Variants in GOLM2 observed in about 807,000 individuals in gnomAD.
The protein encoded by GOLM2 is protein GOLM2.
Under a neutral mutation model 55.9 loss-of-function variants are expected in GOLM2, and 26 were observed. The ratio of observed to expected loss-of-function variants is 0.47; its 90% confidence interval spans 0.34 to 0.65. The LOEUF is 0.65. GOLM2 is among the 30% of genes least tolerant of loss of function. The pLI, the probability that GOLM2 is intolerant of heterozygous loss-of-function variation, is 0.01. For missense variants in GOLM2, 486 were observed against 531.8 expected (o/e 0.91, Z 0.85); for synonymous variants, 165 against 194.6 (o/e 0.85, Z 1.27).
chr15:44,338,000 T>G, intron 5 of GOLM2, 93 bp downstream of exon 5: 1 of 1,274,404 alleles, frequency 7.8e-7, no homozygotes. Flanking sequence ...TAAAGAAAAT[T>G]GTTTGATTTT....
At chr15:44,310,489 T>TATATAC (rs1555421398) in intron 1 of GOLM2, among the ~76,000 whole-genome samples, 1 of 131,978 alleles carries the variant, frequency 7.6e-6, no homozygotes, top group African/African-American at 3.4e-5. Flanking sequence ...TATATATATA[T>TATATAC]ACACACACAC....
chr15:44,399,555 T>A (rs1031155087), intron 8 of GOLM2, among the ~76,000 whole-genome samples: 19 of 152,178 alleles, frequency 1.2e-4, no homozygotes, highest in Non-Finnish European at 2.4e-4. Flanking sequence ...AAAAAGGAAA[T>A]TTTAAATTGT....
intron 5 of GOLM2, 137 bp downstream of exon 5, chr15:44,338,044 A>G (rs1445162700): frequency 2.9e-6 from 3 of 1,025,138 alleles, no homozygotes; most frequent in Non-Finnish European, 2.8e-6. Flanking sequence ...GCATTGTTTC[A>G]AATTTGGATT....
At chr15:44,314,817 A>G (rs949223409) in intron 1 of GOLM2, among the ~76,000 whole-genome samples, 3 of 152,192 alleles carry the variant, frequency 2.0e-5, no homozygotes, top group Non-Finnish European at 4.4e-5. Context: ...CTGTAGGTAT[A>G]TGACTGAGGA....
intron 8 of GOLM2, among the ~76,000 whole-genome samples, chr15:44,394,006 T>G (rs138198593): frequency 7.0e-4 from 106 of 152,286 alleles, no homozygotes; most frequent in Non-Finnish European, 1.3e-3. Context: ...TGTGCTATTT[T>G]ATACAAGGGA....
intron 1 of GOLM2, among the ~76,000 whole-genome samples, chr15:44,317,237 C>T (rs1352929944): frequency 2.7e-5 from 4 of 148,090 alleles, no homozygotes; most frequent in South Asian, 2.2e-4. Context: ...ATTATCTGGG[C>T]GTGGTAGCAC....
At chr15:44,405,820 C>T (rs2079593610) in intron 9 of GOLM2, among the ~76,000 whole-genome samples, 1 of 152,040 alleles carries the variant, frequency 6.6e-6, no homozygotes, top group Non-Finnish European at 1.5e-5. Context: ...GGGGGTTTCA[C>T]CATGTTGGTC....
chr15:44,316,343 A>G (rs374320703), intron 1 of GOLM2, among the ~76,000 whole-genome samples: 5 of 152,246 alleles, frequency 3.3e-5, no homozygotes, highest in African/African-American at 1.2e-4. Context: ...AAAAAATGAA[A>G]AAACAGTGAA....
At chr15:44,379,614 G>A (rs923743677) in intron 6 of GOLM2, 76 bp from the exon 7 acceptor site, 10 of 744,676 alleles carry the variant, frequency 1.3e-5, no homozygotes, top group Middle Eastern at 4.0e-4. Context: ...ATTGATTCAC[G>A]GTGGTTTTTT....
chr15:44,371,305 A>G (rs2079328373), intron 6 of GOLM2, among the ~76,000 whole-genome samples: 1 of 152,112 alleles, frequency 6.6e-6, no homozygotes, highest in South Asian at 2.1e-4. Flanking sequence ...TCCTGCCTTT[A>G]TAATTGTTTA....
chr15:44,329,279 C>T (rs1052331704), intron 3 of GOLM2, among the ~76,000 whole-genome samples: 1 of 151,944 alleles, frequency 6.6e-6, no homozygotes, highest in African/African-American at 2.4e-5. Context: ...AGCAATCACG[C>T]CTTAAAACTT....
intron 1 of GOLM2, among the ~76,000 whole-genome samples, chr15:44,292,516 G>GT (rs1389349160): frequency 3.9e-5 from 6 of 152,044 alleles, no homozygotes; most frequent in Non-Finnish European, 7.4e-5. Context: ...ATTTTTAAAA[G>GT]TTTTTTCTTT....
intron 8 of GOLM2, among the ~76,000 whole-genome samples, chr15:44,394,219 A>C (rs1319467431): frequency 6.6e-6 from 1 of 152,228 alleles, no homozygotes; most frequent in Non-Finnish European, 1.5e-5. Flanking sequence ...GTTATCTCTC[A>C]GAATCCAGCC....
At chr15:44,366,093 C>T (rs1406055155) in intron 6 of GOLM2, among the ~76,000 whole-genome samples, 1 of 151,382 alleles carries the variant, frequency 6.6e-6, no homozygotes, top group Non-Finnish European at 1.5e-5. Flanking sequence ...GTCAGGAGAT[C>T]GCGACCACCC....
chr15:44,394,004 T>C lies in GOLM2; in HGVS notation c.1073-8883T>C, dbSNP rs558838739. Reference sequence around the variant, plus strand: ...CACCGTGCCCGACCTACTGTGCTATTTTATACAAGGGACTTTAACATCTGT... The same window carrying C: ...CACCGTGCCCGACCTACTGTGCTATCTTATACAAGGGACTTTAACATCTGT... On this transcript the variant is annotated intron_variant, in intron 8 of 9. Transcript: ENST00000299957. 5.3e-5 allele frequency among the ~76,000 whole-genome samples: 8 copies of C among 152,286 alleles called. 1 individual carries two copies. In the South Asian group the frequency reaches 1.7e-3, roughly 32 times the overall value.
intron 9 of GOLM2, among the ~76,000 whole-genome samples, chr15:44,408,904 C>T (rs1488229242): frequency 6.6e-6 from 1 of 152,086 alleles, no homozygotes; most frequent in Non-Finnish European, 1.5e-5. Context: ...GCGGAGCTTG[C>T]AGTGAGCCGA....
rs576827158 is a variant in GOLM2 at position 44,292,615 on chromosome 15, A to G, written c.327+3259A>G. Among the ~76,000 whole-genome samples the G allele has an allele frequency of 3.9e-5, 6 of 152,152 alleles. No homozygotes were observed. The East Asian group carries it at 1.2e-3, about 29-fold the overall frequency. ...AAGTGATCTTGCCTTGGGCTCACAA[A>G]GTGCTGGGATTCTAGGTGTGTGCCA... is the stretch of plus-strand genomic sequence containing the variant. On this transcript the variant is annotated intron_variant, in intron 1 of 9. Coordinates refer to ENST00000299957, the MANE Select transcript of GOLM2 (RefSeq NM_138423.4).
At chr15:44,333,885 T>G (rs556360565) in intron 4 of GOLM2, among the ~76,000 whole-genome samples, 26 of 152,112 alleles carry the variant, frequency 1.7e-4, no homozygotes, top group African/African-American at 6.3e-4. Context: ...CCAGCTAATT[T>G]TTTGTATTTT....
intron 6 of GOLM2, among the ~76,000 whole-genome samples, chr15:44,377,412 C>G (rs941681507): frequency 4.6e-5 from 7 of 152,076 alleles, no homozygotes; most frequent in Non-Finnish European, 8.8e-5. Context: ...ACTCTGCAAC[C>G]CAGGCTGGAG....
Sources: allele counts gnomAD v4.1 joint callset (sites outside exome capture counted in the v4.1 genomes callset), GRCh38; gene constraint gnomAD v4.1.1; transcripts MANE v1.5; gene names NCBI Gene and HGNC (gene_info 2026-07-23, HGNC 2026-07-21).